Variants in VPS13C observed in about 807,000 individuals in gnomAD.
VPS13C encodes intermembrane lipid transfer protein VPS13C.
VPS13C carries 358 observed loss-of-function variants against 456.8 expected under a neutral mutation model. That is an observed-to-expected ratio of 0.78 (90% CI 0.72 to 0.86). VPS13C has a LOEUF of 0.86. Among genes scored for constraint, VPS13C ranks in the 40% least tolerant of loss-of-function variants. The pLI, the probability that VPS13C is intolerant of heterozygous loss-of-function variation, is 0.00. For synonymous variants in VPS13C, 1,578 were observed against 1,486.7 expected (o/e 1.06, Z -1.41); for missense variants, 4,818 against 4,385.4 (o/e 1.10, Z -2.79).
intron 81 of VPS13C, 126 bp from the exon 82 acceptor site, chr15:61,863,654 T>C: frequency 5.5e-6 from 3 of 545,098 alleles, no homozygotes; most frequent in Non-Finnish European, 9.6e-6. Context: ...AGCACAATTC[T>C]ACATATTGGT....
intron 71 of VPS13C, 65 bp from the exon 72 acceptor site, chr15:61,881,019 CTTTGA>C: frequency 1.8e-5 from 25 of 1,358,602 alleles, no homozygotes; most frequent in Non-Finnish European, 2.4e-5. Flanking sequence ...AATGTTAAAA[CTTTGA>C]TTTCAGTGAA....
Position 61,858,102 on chromosome 15 carries a change from A to G in VPS13C, c.10953-1693T>C, listed in dbSNP as rs2140836514. 6.6e-6 allele frequency among the ~76,000 whole-genome samples: 1 copy of G among 152,238 alleles called. No homozygotes were observed. Among genetic ancestry groups the G allele is most frequent in the East Asian group, 1.9e-4 (1 of 5,178 alleles). On this transcript the variant is annotated intron_variant, in intron 82 of 84. Coordinates refer to ENST00000644861, the MANE Select transcript of VPS13C (RefSeq NM_020821.3). This position sits in a 1 kb window ranked among gnomAD's most constrained non-coding sequence, Gnocchi z 4.4. ...ACAGAGCTAAGGATGGCTGTCACAA[A>G]TCCTCGTGCCAAACACAATTCACTA...
chr15:61,916,088 T>C, intron 60 of VPS13C, 66 bp from the exon 61 acceptor site: 1 of 1,478,892 alleles, frequency 6.8e-7, no homozygotes, highest in Non-Finnish European at 9.0e-7. Flanking sequence ...ATTCTTATTT[T>C]TCACAAATGC....
intron 74 of VPS13C, among the ~76,000 whole-genome samples, chr15:61,878,148 C>T (rs4775447): frequency 0.54 from 81,297 of 151,428 alleles, 22,137 homozygotes; most frequent in Admixed American, 0.62. Flanking sequence ...TCATTCGTTT[C>T]CTCTGAAATT....
chr15:61,880,804 G>C (rs1017335959), intron 72 of VPS13C, 39 bp downstream of exon 72: 18 of 1,559,500 alleles, frequency 1.2e-5, no homozygotes, highest in Non-Finnish European at 1.6e-5. Context: ...TTTAAATTTT[G>C]TTAATTTTAT....
chr15:61,985,498 C>A (rs1325398055), intron 18 of VPS13C, among the ~76,000 whole-genome samples: 1 of 152,138 alleles, frequency 6.6e-6, no homozygotes, highest in African/African-American at 2.4e-5. Context: ...CTCAGGTGAT[C>A]TGCCCACCTC....
At chr15:62,014,558 A>G (rs543327361) in intron 9 of VPS13C, among the ~76,000 whole-genome samples, 1 of 152,262 alleles carries the variant, frequency 6.6e-6, no homozygotes, top group South Asian at 2.1e-4. Context: ...CTTTAGATTT[A>G]TAAGTTAGAT....
At chr15:61,894,531 G>T (rs2140086800) in intron 66 of VPS13C, among the ~76,000 whole-genome samples, 1 of 151,734 alleles carries the variant, frequency 6.6e-6, no homozygotes, top group South Asian at 2.1e-4. Context: ...TGAAGGGATA[G>T]AAGAAGATAT....
At chr15:61,865,207 A>C (rs927003197) in intron 81 of VPS13C, 1 of 984,710 alleles carries the variant, frequency 1.0e-6, no homozygotes, top group African/African-American at 1.7e-5. Flanking sequence ...TTTACCCAGT[A>C]ATTCAATTTT....
intron 81 of VPS13C, chr15:61,865,744 CTG>C (rs1481664471): frequency 5.5e-5 from 31 of 563,356 alleles, no homozygotes; most frequent in African/African-American, 6.2e-5. Context: ...GTATGTATAT[CTG>C]TATGTGTACA....
At chr15:61,929,800 A>T in intron 50 of VPS13C, 52 bp from the exon 51 acceptor site, 3 of 1,512,670 alleles carry the variant, frequency 2.0e-6, no homozygotes, top group Non-Finnish European at 2.7e-6. Flanking sequence ...ACAATAAAAA[A>T]GATGAAGAAT....
intron 64 of VPS13C, among the ~76,000 whole-genome samples, chr15:61,909,624 T>C (rs1214378223): frequency 6.6e-6 from 1 of 152,226 alleles, no homozygotes; most frequent in East Asian, 1.9e-4. Flanking sequence ...TTTGATAGCA[T>C]GGTTTACTGA....
At chr15:61,991,870 G>T in intron 16 of VPS13C, 68 bp from the exon 17 acceptor site, 4 of 1,347,176 alleles carry the variant, frequency 3.0e-6, no homozygotes, top group Non-Finnish European at 3.0e-6. Flanking sequence ...TGTAGCCTGG[G>T]AAAAAAAAAC....
At position 61,910,216 on chromosome 15, in the gene VPS13C, G is replaced by A. The variant is rs567246573; in HGVS notation, c.8805C>T (p.Asn2935=). ...CEGSSKPFFY[N]RQDNGTLLSL... The stretch of plus-strand genomic sequence containing the variant: ...TCAATAAAGTGCCATTATCCTGTCG[G>A]TTATAAAAGAATGGTTTGGAAGATC... The change falls in exon 64 of 85, where the codon AAC becomes AAT. Residue 2935 remains asparagine (N), a synonymous_variant. Transcript: ENST00000644861. 16 of 1,495,382 alleles carry A rather than the reference G, an allele frequency of 1.1e-5. No individual in the cohort carries two copies. The Admixed American group carries it at 1.3e-4, about 13-fold the overall frequency. The allele number at this position is 1,495,382 out of a possible 1,614,324, so 92.6% of individuals were successfully genotyped here.
intron 14 of VPS13C, 135 bp from the exon 15 acceptor site, chr15:62,007,614 T>G: frequency 1.4e-6 from 1 of 702,462 alleles, no homozygotes; most frequent in Non-Finnish European, 2.1e-6. Flanking sequence ...AGCTCAGCAA[T>G]TCCCAGTAAA....
intron 1 of VPS13C, among the ~76,000 whole-genome samples, chr15:62,055,964 A>G (rs528077995): frequency 6.6e-6 from 1 of 152,320 alleles, no homozygotes; most frequent in Admixed American, 6.5e-5. Context: ...TATCTGCTAC[A>G]TGCCAATAGC....
Position 61,946,411 on chromosome 15 carries a change from C to G in VPS13C, c.4877-1G>C. 1 of 1,590,398 alleles carries G rather than the reference C, an allele frequency of 6.3e-7. No individual in the cohort carries two copies. The highest frequency in any genetic ancestry group is 2.3e-5 in the East Asian group (1 of 44,172). On this transcript the variant is annotated splice_acceptor_variant, in intron 43 of 84. Coordinates refer to ENST00000644861, the MANE Select transcript of VPS13C (RefSeq NM_020821.3). LOFTEE classifies it high-confidence loss of function. Reference sequence around the variant, plus strand: ...TTCACAGAAATAGAGGCATCCATTCCTATAGGAAACATAACATTTATAAAC... The same window carrying G: ...TTCACAGAAATAGAGGCATCCATTCGTATAGGAAACATAACATTTATAAAC...
chr15:61,894,076 TGG>T (rs2042731068), intron 66 of VPS13C, among the ~76,000 whole-genome samples: 2 of 151,688 alleles, frequency 1.3e-5, no homozygotes, highest in African/African-American at 4.8e-5. Flanking sequence ...GAGGCCGAGG[TGG>T]GCGGATTGTC....
intron 1 of VPS13C, among the ~76,000 whole-genome samples, chr15:62,049,642 G>C (rs1313605603): frequency 6.6e-6 from 1 of 152,216 alleles, no homozygotes; most frequent in East Asian, 1.9e-4. Context: ...TGTGAAGAAA[G>C]TCATTGGTAG....
Sources: gnomAD v4.1 joint callset for allele counts (sites outside exome capture counted in the v4.1 genomes callset) on GRCh38, gnomAD v4.1.1 for gene constraint, Gnocchi (gnomAD v3.1) non-coding constraint, MANE v1.5 for transcripts, NCBI Gene and HGNC (gene_info 2026-07-23, HGNC 2026-07-21) for gene names.